The following RPH3A variants were observed in gnomAD, a reference collection of about 807,000 sequenced individuals.
RPH3A encodes rabphilin 3A, also known as rabphilin-3A.
RPH3A carries 48 observed loss-of-function variants against 102.2 expected under a neutral mutation model. That is an observed-to-expected ratio of 0.47 (90% CI 0.37 to 0.60). The LOEUF (loss-of-function observed/expected upper bound fraction) is 0.60, where lower values mean the gene tolerates loss of function less well. Ranked by LOEUF, RPH3A falls within the 20% of genes least tolerant of loss-of-function variation. RPH3A has a pLI of 0.00. For synonymous variants in RPH3A, 310 were observed against 324.3 expected (o/e 0.96, Z 0.47); for missense variants, 781 against 910.1 (o/e 0.86, Z 1.83).
chr12:112,757,273 T>C (rs2040828248), intron 1 of RPH3A, among the ~76,000 whole-genome samples: 1 of 152,228 alleles, frequency 6.6e-6, no homozygotes, highest in African/African-American at 2.4e-5. Flanking sequence ...GATCTCACAT[T>C]TAAATGCCTT....
rs149246742 is a variant in RPH3A, at chr12:112,891,125, G to A, written c.1775+122G>A. 84 of 1,129,648 alleles carry A rather than the reference G, an allele frequency of 7.4e-5. No homozygotes were observed. In the African/African-American group the frequency reaches 1.1e-3, roughly 15 times the overall value. The allele number at this position is 1,129,648 out of a possible 1,614,324, so 70.0% of individuals were successfully genotyped here. A position where few individuals can be genotyped will look rare whatever the true frequency, so the allele number is the denominator to read the frequency against. Reference sequence around the variant, plus strand: ...GAGACCCAGAGAGGGCAAGGAACCTGCCCAAGGTCACAGTGAAACAAATGC... The same window carrying A: ...GAGACCCAGAGAGGGCAAGGAACCTACCCAAGGTCACAGTGAAACAAATGC... On this transcript the variant is annotated intron_variant, in intron 19 of 21. Coordinates refer to ENST00000389385, the MANE Select transcript of RPH3A (RefSeq NM_001143854.2).
intron 2 of RPH3A, among the ~76,000 whole-genome samples, chr12:112,815,251 C>T (rs1470500793): frequency 7.9e-5 from 12 of 152,182 alleles, no homozygotes; most frequent in Admixed American, 7.9e-4. Flanking sequence ...TAGAAATTAT[C>T]AAGCAAAGCT....
chr12:112,809,875 G>A (rs1390165164), intron 2 of RPH3A, among the ~76,000 whole-genome samples: 1 of 152,174 alleles, frequency 6.6e-6, no homozygotes, highest in Non-Finnish European at 1.5e-5. Context: ...AAGTGCCTCA[G>A]GGCGGAGTTG....
At chr12:112,653,906 T>A (rs1592927413) in intron 1 of RPH3A, among the ~76,000 whole-genome samples, 4 of 152,184 alleles carry the variant, frequency 2.6e-5, no homozygotes, top group South Asian at 4.1e-4. Context: ...CTTTTTAAAC[T>A]TTTTTTTGTT....
At chr12:112,737,833 G>T (rs1336452435) in intron 1 of RPH3A, among the ~76,000 whole-genome samples, 1 of 152,214 alleles carries the variant, frequency 6.6e-6, no homozygotes, top group African/African-American at 2.4e-5. Flanking sequence ...TGTTGTCCAT[G>T]ACCGGTGCTG....
intron 4 of RPH3A, among the ~76,000 whole-genome samples, chr12:112,845,754 G>A (rs966054523): frequency 1.3e-5 from 2 of 152,220 alleles, no homozygotes; most frequent in African/African-American, 4.8e-5. Context: ...ACCAGGGCCA[G>A]ATAAGGTCCG....
chr12:112,789,862 G>A (rs982687320), upstream of RPH3A, among the ~76,000 whole-genome samples: 2 of 147,950 alleles, frequency 1.4e-5, no homozygotes, highest in Non-Finnish European at 3.0e-5. Flanking sequence ...GACCAGCTGG[G>A]GCAATATAGT....
At chr12:112,793,618 T>C (rs76551622) in intron 2 of RPH3A, among the ~76,000 whole-genome samples, 7,721 of 152,302 alleles carry the variant, frequency 0.051, 251 homozygotes, top group African/African-American at 0.081. Flanking sequence ...TCCTAGCTTC[T>C]CTTGCTGGGT....
chr12:112,875,704 T>C lies in RPH3A; in HGVS notation c.909T>C (p.Gly303=). The change falls in exon 12 of 22, where the codon GGT becomes GGC. Residue 303 remains glycine, a synonymous_variant. Transcript: ENST00000389385. ...GGACCCCAGGAGGAAGCAGACCGGG[T>C]CCTGGGCCAGCAGGACGCTTTCCAG... The part of the protein sequence containing the change: ...QPGTPGGSRP[G]PGPAGRFPDQ... The C allele has an allele frequency of 6.2e-7, 1 of 1,613,658 alleles. No homozygotes were observed. Among genetic ancestry groups the C allele is most frequent in the Non-Finnish European group, 8.5e-7 (1 of 1,179,888 alleles).
At chr12:112,828,435 AG>A (rs767462568) in intron 3 of RPH3A, 46 bp downstream of exon 3, 1 of 1,396,108 alleles carries the variant, frequency 7.2e-7, no homozygotes, top group South Asian at 1.3e-5. Flanking sequence ...TGAGTCGATG[AG>A]GTTTTGACAA....
At chr12:112,656,168 G>A (rs1242962077) in intron 1 of RPH3A, among the ~76,000 whole-genome samples, 1 of 152,144 alleles carries the variant, frequency 6.6e-6, no homozygotes, top group Non-Finnish European at 1.5e-5. Context: ...GCTGCTTCTG[G>A]GCTAACATGG....
intron 1 of RPH3A, among the ~76,000 whole-genome samples, chr12:112,653,323 T>C (rs145190099): frequency 6.9e-6 from 1 of 144,528 alleles, no homozygotes; most frequent in South Asian, 2.2e-4. Context: ...TGAGCTGAGA[T>C]CATGCCACTG....
Position 112,667,662 on chromosome 12 carries a change from A to AAGAGAG in RPH3A, c.-140+92397_-140+92402dup, listed in dbSNP as rs71086114. On this transcript the variant is annotated intron_variant, in intron 1 of 21. Transcript: ENST00000543106. ...CACCATTCATGGGCAGAGATGAATA[A>AAGAGAG]AGAGAGAGAGAGAGAGAGAGAGAGA... 2.9e-3 allele frequency among the ~76,000 whole-genome samples: 213 copies of AAGAGAG among 72,806 alleles called. 3 individuals are homozygous for AAGAGAG. The highest frequency in any genetic ancestry group is 4.1e-3 in the Non-Finnish European group (144 of 34,728). 47.8% of individuals were successfully genotyped at this position (72,806 alleles called of 152,430 possible).
chr12:112,713,032 T>TTCTTCC (rs2040486242), intron 1 of RPH3A, among the ~76,000 whole-genome samples: 1 of 76,394 alleles, frequency 1.3e-5, no homozygotes, highest in Non-Finnish European at 2.3e-5. Flanking sequence ...CCTCTTCTTC[T>TTCTTCC]TCTTCTTCTT....
At chr12:112,706,757 T>C (rs1343068669) in intron 1 of RPH3A, among the ~76,000 whole-genome samples, 1 of 152,152 alleles carries the variant, frequency 6.6e-6, no homozygotes, top group Non-Finnish European at 1.5e-5. Context: ...ATAATAACTT[T>C]GAAATGCTCA....
chr12:112,745,319 G>C (rs1389370825), intron 1 of RPH3A, among the ~76,000 whole-genome samples: 1 of 152,196 alleles, frequency 6.6e-6, no homozygotes, highest in Non-Finnish European at 1.5e-5. Context: ...TTTTTCCACT[G>C]TAAAGATACA....
intron 2 of RPH3A, among the ~76,000 whole-genome samples, chr12:112,805,980 T>C (rs1016107495): frequency 6.6e-6 from 1 of 152,204 alleles, no homozygotes; most frequent in Non-Finnish European, 1.5e-5. Context: ...GGGATGTAAA[T>C]GGACTTGTCA....
chr12:112,684,009 A>T (rs1218218966), intron 1 of RPH3A, among the ~76,000 whole-genome samples: 3 of 152,220 alleles, frequency 2.0e-5, no homozygotes, highest in African/African-American at 7.2e-5. Flanking sequence ...TAAAATACAT[A>T]TGTGATTATA....
chr12:112,681,762 A>G (rs2040227777), intron 1 of RPH3A, among the ~76,000 whole-genome samples: 2 of 152,212 alleles, frequency 1.3e-5, no homozygotes. Flanking sequence ...CATTCCACCA[A>G]TCCAGCAACA....
Sources: gnomAD v4.1 joint callset for allele counts (sites outside exome capture counted in the v4.1 genomes callset) on GRCh38, gnomAD v4.1.1 for gene constraint, MANE v1.5 for transcripts, NCBI Gene and HGNC (gene_info 2026-07-23, HGNC 2026-07-21) for gene names.